Variants in FRYL observed in about 807,000 individuals in gnomAD.
The protein encoded by FRYL is protein furry homolog-like.
A neutral mutation model predicts 351.2 loss-of-function variants in FRYL; 150 were observed. The observed-to-expected ratio is 0.43, with a 90% CI of 0.37 to 0.49. The LOEUF is 0.49. Among genes scored for constraint, FRYL ranks in the 20% least tolerant of loss-of-function variants. The pLI is 0.00. For missense variants in FRYL, 3,036 were observed against 3,619.3 expected (o/e 0.84, Z 4.13); for synonymous variants, 1,153 against 1,257.1 (o/e 0.92, Z 1.75).
At chr4:48,725,069 A>G (rs1769930877) in intron 1 of FRYL, among the ~76,000 whole-genome samples, 1 of 152,268 alleles carries the variant, frequency 6.6e-6, no homozygotes, top group African/African-American at 2.4e-5. Flanking sequence ...TTAAATCAAT[A>G]TAAAAGAGAA....
intron 58 of FRYL, among the ~76,000 whole-genome samples, chr4:48,510,536 T>C (rs1163962615): frequency 6.6e-6 from 1 of 152,170 alleles, no homozygotes; most frequent in Non-Finnish European, 1.5e-5. Flanking sequence ...GGTGGAGGTT[T>C]AGGCATCTCC....
In FRYL at chr4:48,659,412, A is replaced by AAGAG. The variant is rs1560807147; in HGVS notation, c.-80-24923_-80-24922insCTCT. Among the ~76,000 whole-genome samples the AAGAG allele has an allele frequency of 6.9e-3, 25 of 3,646 alleles. 10 individuals carry two copies. Among genetic ancestry groups the AAGAG allele is most frequent in the Middle Eastern group, 0.25 (2 of 8 alleles). The allele number at this position is 3,646 out of a possible 152,430, so 2.4% of individuals were successfully genotyped here. A position where few individuals can be genotyped will look rare whatever the true frequency, so the allele number is the denominator to read the frequency against. On this transcript the variant is annotated intron_variant, in intron 3 of 63. Coordinates refer to ENST00000358350, the MANE Select transcript of FRYL (RefSeq NM_015030.2). ...AAGGAGAAGAAGGAGAAGGAGAAGG[A>AAGAG]GAAGGAGAAGGAGAAGAGGAAGAGG... is the stretch of plus-strand genomic sequence containing the variant.
At chr4:48,758,676 T>A (rs1185142751) in intron 1 of FRYL, among the ~76,000 whole-genome samples, 8 of 152,246 alleles carry the variant, frequency 5.3e-5, no homozygotes, top group African/African-American at 1.9e-4. Flanking sequence ...AGTGTGGCGA[T>A]TCCTCAAGGA....
chr4:48,681,216 T>C (rs1324224818), intron 3 of FRYL: 1 of 440,672 alleles, frequency 2.3e-6, no homozygotes, highest in East Asian at 1.1e-4. Context: ...ACACTATTTG[T>C]GTCAAAGAGC....
At position 48,515,190 on chromosome 4, in the gene FRYL, A is replaced by G; in HGVS notation, c.7775T>C (p.Leu2592Pro). 1 of 1,613,220 alleles carries G rather than the reference A, an allele frequency of 6.2e-7. No individual in the cohort carries two copies. The change falls in exon 56 of 64, where the codon CTT becomes CCT. Residue 2592 changes from leucine to proline, a missense_variant. By Grantham distance (98) the Leu-to-Pro change is moderately conservative. Coordinates refer to ENST00000358350, the MANE Select transcript of FRYL (RefSeq NM_015030.2). ...TAAATCAAGAATTCCTTGACACACA[A>G]GAGATTCCTGCTGTTCTTGAATTAT... ...SYIIQEQQES[L>P]VCQGILDLEE... is the part of the protein sequence containing the mutation.
At chr4:48,775,271 A>C (rs1169653133) in intron 1 of FRYL, among the ~76,000 whole-genome samples, 1 of 152,240 alleles carries the variant, frequency 6.6e-6, no homozygotes, top group Non-Finnish European at 1.5e-5. Context: ...CACTTCATCT[A>C]AGCTACCTTT....
At chr4:48,556,694 C>G (rs1734196800) in intron 35 of FRYL, among the ~76,000 whole-genome samples, 1 of 152,100 alleles carries the variant, frequency 6.6e-6, no homozygotes, top group Non-Finnish European at 1.5e-5. Context: ...ACTTTATTAG[C>G]TTACTGATTT....
intron 17 of FRYL, among the ~76,000 whole-genome samples, chr4:48,590,179 T>C (rs998521339): frequency 1.3e-5 from 2 of 152,048 alleles, no homozygotes; most frequent in African/African-American, 4.8e-5. Flanking sequence ...ATGACTATTA[T>C]CAAAAAAACG....
In FRYL at chr4:48,662,823, A is replaced by G. The variant is rs1578606074; in HGVS notation, c.-81+21850T>C. Among the ~76,000 whole-genome samples, 7 of 152,008 alleles carry G rather than the reference A, an allele frequency of 4.6e-5. 3 individuals carry two copies. On this transcript the variant is annotated intron_variant, in intron 3 of 63. Transcript: ENST00000358350. ...CAAGGCAGAAGTTAGAATGACATCA[A>G]TGAAAAGCTTAAAGCATAAAACTAC...
At chr4:48,664,119 A>T (rs1761320634) in intron 3 of FRYL, among the ~76,000 whole-genome samples, 1 of 152,154 alleles carries the variant, frequency 6.6e-6, no homozygotes, top group African/African-American at 2.4e-5. Flanking sequence ...CCACGGTTAA[A>T]GTGCCAGAGT....
chr4:48,641,613 T>G (rs1189328302), intron 3 of FRYL, among the ~76,000 whole-genome samples: 2 of 152,136 alleles, frequency 1.3e-5, no homozygotes, highest in African/African-American at 4.8e-5. Context: ...TATAGCGCAT[T>G]TATGATGAAG....
intron 47 of FRYL, among the ~76,000 whole-genome samples, chr4:48,539,176 G>T (rs1197148334): frequency 7.2e-5 from 11 of 152,132 alleles, no homozygotes; most frequent in Admixed American, 1.3e-4. Flanking sequence ...TTCTAAAACA[G>T]TATGATTTTT....
At chr4:48,516,680 C>G (rs1723692829) in intron 55 of FRYL, among the ~76,000 whole-genome samples, 2 of 152,178 alleles carry the variant, frequency 1.3e-5, no homozygotes, top group African/African-American at 4.8e-5. Flanking sequence ...AGGATTTTGA[C>G]TAGATTCTGG....
At chr4:48,523,862 A>C (rs1249004094) in intron 53 of FRYL, among the ~76,000 whole-genome samples, 1 of 152,234 alleles carries the variant, frequency 6.6e-6, no homozygotes, top group East Asian at 1.9e-4. Context: ...AGTTGGTAGG[A>C]TAGCTCTGGC....
chr4:48,738,094 G>A (rs1376366936), intron 1 of FRYL, among the ~76,000 whole-genome samples: 3 of 152,174 alleles, frequency 2.0e-5, no homozygotes, highest in Admixed American at 6.5e-5. Context: ...CATACTAGAC[G>A]TCCTAGCTAA....
Position 48,634,394 on chromosome 4 carries a change from A to T in FRYL, c.17T>A (p.Ile6Asn). 2 of 1,613,434 alleles carry T rather than the reference A, an allele frequency of 1.2e-6. No individual in the cohort carries two copies. The highest frequency in any genetic ancestry group is 1.7e-6 in the Non-Finnish European group (2 of 1,179,466). ...TTCACCAGGTTTGACATCTGGGTCA[A>T]TCGTAATGTTTGACATGATGATATT... is the stretch of plus-strand genomic sequence containing the variant. Reference protein sequence around the residue: MSNITIDPDVKPGEYV... With the variant: MSNITNDPDVKPGEYV... The change falls in exon 4 of 64, where the codon ATT becomes AAT. Residue 6 changes from isoleucine to asparagine, a missense_variant. Ile to Asn is a moderately radical substitution (Grantham distance 149, BLOSUM62 -3). Transcript: ENST00000358350.
chr4:48,726,558 T>C (rs1770111903), intron 1 of FRYL, among the ~76,000 whole-genome samples: 1 of 152,136 alleles, frequency 6.6e-6, no homozygotes, highest in Non-Finnish European at 1.5e-5. Context: ...GGCGTATGCC[T>C]GTAATCCCAG....
rs776085158 is a variant in FRYL, at chr4:48,512,682, A to T, written c.7944T>A (p.Asp2648Glu). ...EADFSGLSSQ[D>E]EEEQDGFPEV... ...CTGGAAAACCATCTTGCTCTTCTTC[A>T]TCTTGACTATTAACACAGATATCAT... The change falls in exon 57 of 64, where the codon GAT becomes GAA. Residue 2648 changes from aspartate (D) to glutamate (E), a missense_variant. This residue lies in a region of FRYL where 1,987 missense variants were observed against 2,311.7 expected (regional missense o/e 0.86). Coordinates refer to ENST00000358350, the MANE Select transcript of FRYL (RefSeq NM_015030.2). 5.0e-6 allele frequency: 8 copies of T among 1,610,268 alleles called. No individual in the cohort carries two copies. Among genetic ancestry groups the T allele is most frequent in the Non-Finnish European group, 6.8e-6 (8 of 1,176,566 alleles).
In FRYL at chr4:48,533,500, C is replaced by T. The variant is rs117942970; in HGVS notation, c.6705+1045G>A. Among the ~76,000 whole-genome samples the T allele has an allele frequency of 2.0e-5, 3 of 152,226 alleles. No individual in the cohort carries two copies. The East Asian group carries it at 5.8e-4, about 29-fold the overall frequency. ...CATTTTACTACAGTTTTATTACTTT[C>T]AGATATGAACTAGAATAAATTCCTT... is the stretch of plus-strand genomic sequence containing the variant. On this transcript the variant is annotated intron_variant, in intron 49 of 63. Transcript: ENST00000358350.
Sources: allele counts gnomAD v4.1 joint callset (sites outside exome capture counted in the v4.1 genomes callset), GRCh38; gene constraint gnomAD v4.1.1; regional missense constraint gnomAD v4.1.1; transcripts MANE v1.5; gene names NCBI Gene and HGNC (gene_info 2026-07-23, HGNC 2026-07-21).